IL12RB1: variants seen among roughly 807,000 people sequenced by gnomAD.
The protein encoded by IL12RB1 is interleukin-12 receptor subunit beta-1.
IL12RB1 carries 64 observed loss-of-function variants against 94.4 expected under a neutral mutation model. The ratio of observed to expected loss-of-function variants is 0.68; its 90% CI spans 0.55 to 0.83. The LOEUF (loss-of-function observed/expected upper bound fraction) is 0.83, where lower values mean the gene tolerates loss of function less well. IL12RB1 is among the 40% of genes least tolerant of loss of function. The pLI is 0.00. For synonymous variants in IL12RB1, 362 were observed against 355.5 expected, an observed-to-expected ratio of 1.02 and a Z score of -0.21; for missense variants, 814 against 855.6, an observed-to-expected ratio of 0.95 and a Z score of 0.61.
chr19:18,082,804 C>T (rs748392212), intron 2 of IL12RB1, among the ~76,000 whole-genome samples: 20 of 152,126 alleles, frequency 1.3e-4, no homozygotes, highest in Admixed American at 3.9e-4. Flanking sequence ...TGGCCGGGCA[C>T]GGTGGCTCAT....
Position 18,080,882 on chromosome 19 carries a change from C to T in IL12RB1, c.359G>A (p.Arg120Lys). The change falls in exon 4 of 17, where the codon AGG (arginine) becomes AAG (lysine). Residue 120 changes from arginine to lysine, a missense_variant. Transcript: ENST00000593993. The stretch of plus-strand genomic sequence containing the variant: ...CTCAGGAGACTTCTCTGTCTGGTTC[C>T]TGGCCCAGGATTCCACCCAGAGTGT... ...TVTLWVESWA[R>K]NQTEKSPEVT... 1.2e-6 allele frequency: 2 copies of T among 1,613,006 alleles called. No individual in the cohort carries two copies. Among genetic ancestry groups the T allele is most frequent in the African/African-American group, 1.3e-5 (1 of 75,014 alleles).
At chr19:18,070,446 A>C in intron 9 of IL12RB1, 1 of 801,640 alleles carries the variant, frequency 1.2e-6, no homozygotes, top group African/African-American at 1.9e-5. Flanking sequence ...TGGTGGTCTC[A>C]TGCCAAACTC....
intron 1 of IL12RB1, among the ~76,000 whole-genome samples, chr19:18,093,268 T>C (rs1370422799): frequency 6.6e-6 from 1 of 151,724 alleles, no homozygotes; most frequent in Non-Finnish European, 1.5e-5. Flanking sequence ...ATTGCTCCAC[T>C]GCACTTCAGC....
chr19:18,097,490 G>C (rs1174059690), intron 1 of IL12RB1, among the ~76,000 whole-genome samples: 1 of 152,148 alleles, frequency 6.6e-6, no homozygotes, highest in Non-Finnish European at 1.5e-5. Flanking sequence ...GAGCCACTGC[G>C]CCCGGCCAAT....
At position 18,075,742 on chromosome 19, in the gene IL12RB1, A is replaced by T. The variant is rs768657374; in HGVS notation, c.700+7T>A. The T allele has an allele frequency of 1.9e-6, 3 of 1,612,006 alleles. No individual in the cohort carries two copies. Among genetic ancestry groups the T allele is most frequent in the East Asian group, 2.2e-5 (1 of 44,860 alleles). On this transcript the variant is annotated splice_region_variant and intron_variant, in intron 7 of 16. Transcript: ENST00000593993. ...TGCCCCTGTTCCTGTACTCAGAGTG[A>T]TCTTACCAGGGGGAACGCACACGGG... is the stretch of plus-strand genomic sequence containing the variant.
Position 18,076,277 on chromosome 19 carries a change from A to G in IL12RB1, c.580+20T>C. Reference sequence around the variant, plus strand: ...CCAATTTGCTGCAGCTGTTGTTGTCATTACTATTATTATTCTCACCAGTAT... The same window carrying G: ...CCAATTTGCTGCAGCTGTTGTTGTCGTTACTATTATTATTCTCACCAGTAT... On this transcript the variant is annotated intron_variant, in intron 6 of 16. Coordinates refer to ENST00000593993, the MANE Select transcript of IL12RB1 (RefSeq NM_005535.3). 1 of 1,256,620 alleles carries G rather than the reference A, an allele frequency of 8.0e-7. No homozygotes were observed. Among genetic ancestry groups the G allele is most frequent in the Non-Finnish European group, 1.2e-6 (1 of 853,292 alleles). 77.8% of individuals were successfully genotyped at this position (1,256,620 alleles called of 1,614,324 possible).
Position 18,075,746 on chromosome 19 carries a change from T to C in IL12RB1, c.700+3A>G. 1 of 1,612,346 alleles carries C rather than the reference T, an allele frequency of 6.2e-7. No homozygotes were observed. Among genetic ancestry groups the C allele is most frequent in the Non-Finnish European group, 8.5e-7 (1 of 1,178,468 alleles). ...CCTGTTCCTGTACTCAGAGTGATCT[T>C]ACCAGGGGGAACGCACACGGGGCTG... On this transcript the variant is annotated splice_donor_region_variant and intron_variant, in intron 7 of 16. Transcript: ENST00000593993.
intron 11 of IL12RB1, 45 bp from the exon 12 acceptor site, chr19:18,066,742 C>T (rs749277719): frequency 1.3e-5 from 21 of 1,560,428 alleles, no homozygotes; most frequent in South Asian, 1.3e-4. Flanking sequence ...GAATGCTGGT[C>T]GAGGCCTGGC....
chr19:18,088,922 C>T (rs1468367353), upstream of IL12RB1, among the ~76,000 whole-genome samples: 1 of 151,356 alleles, frequency 6.6e-6, no homozygotes, highest in Non-Finnish European at 1.5e-5. Flanking sequence ...TCCAGCTATT[C>T]GGGAGGCTGA....
At chr19:18,094,261 G>A (rs117462377) in intron 1 of IL12RB1, among the ~76,000 whole-genome samples, 4,013 of 152,156 alleles carry the variant, frequency 0.026, 73 homozygotes, top group Non-Finnish European at 0.034. Context: ...CCCGAGTAGC[G>A]GGGATTACAG....
intron 5 of IL12RB1, among the ~76,000 whole-genome samples, chr19:18,076,753 T>G (rs1039313704): frequency 5.9e-5 from 9 of 152,106 alleles, no homozygotes; most frequent in Non-Finnish European, 1.2e-4. Context: ...ATTTCTATCG[T>G]TAATTACTAG....
chr19:18,082,515 T>C (rs2035989977), intron 2 of IL12RB1, among the ~76,000 whole-genome samples: 1 of 152,062 alleles, frequency 6.6e-6, no homozygotes, highest in Admixed American at 6.6e-5. Flanking sequence ...TGGTGTTTTT[T>C]TTTGGGGGGT....
At chr19:18,067,326 GAAAAAAAAAAA>G (rs57327846) in intron 11 of IL12RB1, among the ~76,000 whole-genome samples, 11 of 82,594 alleles carry the variant, frequency 1.3e-4, no homozygotes, top group South Asian at 5.4e-4. Flanking sequence ...TCTGTCTCAA[GAAAAAAAAAAA>G]AAAAAAAAAA....
At chr19:18,087,210 A>ATTTT (rs10640856), upstream of IL12RB1, among the ~76,000 whole-genome samples, 35 of 135,532 alleles carry the variant, frequency 2.6e-4, 2 homozygotes, top group African/African-American at 7.7e-4. Context: ...TCTCTAGCCA[A>ATTTT]TTTTTTTTTT....
intron 8 of IL12RB1, 36 bp downstream of exon 8, chr19:18,073,481 C>A: frequency 7.4e-7 from 1 of 1,358,154 alleles, no homozygotes; most frequent in Non-Finnish European, 1.1e-6. Flanking sequence ...GCTCCCCATC[C>A]CAGGCCACCC....
At chr19:18,086,953 A>T, upstream of IL12RB1, 1 of 1,543,380 alleles carries the variant, frequency 6.5e-7, no homozygotes, top group Non-Finnish European at 8.7e-7. Context: ...AGAAAAAAGA[A>T]AAAAAGTAAA....
At chr19:18,086,954 A>C (rs2036391855), upstream of IL12RB1, 3 of 1,543,336 alleles carry the variant, frequency 1.9e-6, no homozygotes, top group African/African-American at 2.7e-5. Context: ...GAAAAAAGAA[A>C]AAAAGTAAAG....
chr19:18,070,951 A>T (rs1291663991), intron 9 of IL12RB1: 1 of 160,986 alleles, frequency 6.2e-6, no homozygotes, highest in Non-Finnish European at 1.4e-5. Flanking sequence ...TAATAAAAAT[A>T]GTAGGTCGGC....
rs761817954 is a variant in IL12RB1, at chr19:18,062,162, G to A, written c.1715+19C>T. On this transcript the variant is annotated intron_variant, in intron 14 of 16. Coordinates refer to ENST00000593993, the MANE Select transcript of IL12RB1 (RefSeq NM_005535.3). The stretch of plus-strand genomic sequence containing the variant: ...GCATCATTACCATCGCTATGGTAAC[G>A]GTAAGAGGTGTCAGTTACCTGTTCA... The A allele has an allele frequency of 1.3e-6, 2 of 1,508,802 alleles. No homozygotes were observed. The highest frequency in any genetic ancestry group is 1.7e-5 in the Admixed American group (1 of 59,824). 93.5% of individuals were successfully genotyped at this position (1,508,802 alleles called of 1,614,324 possible).
Sources: allele counts gnomAD v4.1 joint callset (sites outside exome capture counted in the v4.1 genomes callset), GRCh38; gene constraint gnomAD v4.1.1; transcripts MANE v1.5; gene names NCBI Gene and HGNC (gene_info 2026-07-23, HGNC 2026-07-21).